ADAMTSL1: variants seen among roughly 807,000 people sequenced by gnomAD.
The protein encoded by ADAMTSL1 is ADAMTS like 1, also known as ADAMTS-like protein 1.
In ADAMTSL1, 126 loss-of-function variants were observed where a neutral mutation model predicts 201.8. The observed-to-expected ratio is 0.62, with a 90% CI of 0.54 to 0.72. The LOEUF (loss-of-function observed/expected upper bound fraction) is 0.72, where lower values mean the gene tolerates loss of function less well. ADAMTSL1 is among the 30% of genes least tolerant of loss of function. ADAMTSL1 has a pLI of 0.00. For synonymous variants in ADAMTSL1, 1,121 were observed against 903.4 expected (o/e 1.24, Z -4.32); for missense variants, 2,679 against 2,277.8 (o/e 1.18, Z -3.59).
At chr9:18,610,330 C>T (rs536551833) in intron 4 of ADAMTSL1, among the ~76,000 whole-genome samples, 9 of 152,246 alleles carry the variant, frequency 5.9e-5, no homozygotes, top group South Asian at 2.1e-4. Flanking sequence ...CTTACATTAA[C>T]AACCTTTAGT....
chr9:18,066,323 G>C (rs1371732069), intron 1 of ADAMTSL1, among the ~76,000 whole-genome samples: 2 of 152,092 alleles, frequency 1.3e-5, no homozygotes, highest in Non-Finnish European at 2.9e-5. Flanking sequence ...AGCATCACCA[G>C]GGTAACTAGT....
chr9:17,910,307 C>G (rs76681710), intron 1 of ADAMTSL1, among the ~76,000 whole-genome samples: 895 of 69,054 alleles, frequency 0.013, 230 homozygotes, highest in African/African-American at 0.024. Context: ...TGCTACAATA[C>G]CTGCTCATAT....
At chr9:18,136,249 G>C (rs1335500370) in intron 1 of ADAMTSL1, among the ~76,000 whole-genome samples, 5 of 152,106 alleles carry the variant, frequency 3.3e-5, no homozygotes, top group African/African-American at 4.8e-5. Context: ...GTCTAATTAA[G>C]AACGTCAGAG....
chr9:18,804,892 A>G (rs1823008738), intron 20 of ADAMTSL1, among the ~76,000 whole-genome samples: 1 of 152,238 alleles, frequency 6.6e-6, no homozygotes, highest in Non-Finnish European at 1.5e-5. Context: ...TTAAATCTGG[A>G]TTAAATACAA....
At chr9:18,654,629 GGAA>G (rs1396300024) in intron 7 of ADAMTSL1, among the ~76,000 whole-genome samples, 3 of 152,144 alleles carry the variant, frequency 2.0e-5, no homozygotes, top group African/African-American at 7.2e-5. Flanking sequence ...ACTGCTATAA[GGAA>G]GATTTTATTA....
In ADAMTSL1 at chr9:18,307,916, T is replaced by G. The variant is rs115048688; in HGVS notation, c.207+143935T>G. Among the ~76,000 whole-genome samples, 792 of 152,176 alleles carry G rather than the reference T, an allele frequency of 5.2e-3. 9 individuals carry two copies. Among genetic ancestry groups the G allele is most frequent in the African/African-American group, 0.017 (716 of 41,538 alleles). ...CATTCTTTTCAGCACCACATAACAT[T>G]TATTTTAAAATTGACCACATAATTG... On this transcript the variant is annotated intron_variant, in intron 2 of 29. Coordinates refer to the ADAMTSL1 transcript ENST00000680146.
chr9:17,921,765 A>C (rs1826311631), intron 1 of ADAMTSL1, among the ~76,000 whole-genome samples: 1 of 152,104 alleles, frequency 6.6e-6, no homozygotes, highest in African/African-American at 2.4e-5. Flanking sequence ...CAAATGTCAG[A>C]ATTTTTTTTT....
At chr9:18,460,542 C>T (rs1342366011) in intron 2 of ADAMTSL1, among the ~76,000 whole-genome samples, 1 of 152,092 alleles carries the variant, frequency 6.6e-6, no homozygotes, top group Non-Finnish European at 1.5e-5. Context: ...TTTGTGATGC[C>T]TGTGTTGTAC....
At chr9:18,344,003 G>T (rs200989329) in intron 2 of ADAMTSL1, among the ~76,000 whole-genome samples, 1 of 152,082 alleles carries the variant, frequency 6.6e-6, no homozygotes, top group East Asian at 1.9e-4. Flanking sequence ...TTCATCTTTA[G>T]TACAAAGTAC....
At chr9:17,951,084 C>A (rs995435774) in intron 1 of ADAMTSL1, among the ~76,000 whole-genome samples, 1 of 152,188 alleles carries the variant, frequency 6.6e-6, no homozygotes, top group Non-Finnish European at 1.5e-5. Context: ...ATGGCATTCT[C>A]TTCCTTCCCT....
intron 4 of ADAMTSL1, among the ~76,000 whole-genome samples, chr9:18,598,242 A>C (rs1824395490): frequency 6.6e-6 from 1 of 152,126 alleles, no homozygotes; most frequent in Admixed American, 6.6e-5. Context: ...GTTTTATTTT[A>C]TTTTATATGA....
intron 2 of ADAMTSL1, among the ~76,000 whole-genome samples, chr9:18,186,035 A>G (rs1828717595): frequency 6.6e-6 from 1 of 152,194 alleles, no homozygotes; most frequent in South Asian, 2.1e-4. Context: ...ATCCTTATAG[A>G]ATAGTAAGTA....
intron 2 of ADAMTSL1, among the ~76,000 whole-genome samples, chr9:18,418,553 T>A (rs1176881345): frequency 6.6e-6 from 1 of 152,130 alleles, no homozygotes; most frequent in East Asian, 1.9e-4. Context: ...AAATTAACAG[T>A]ATTTCAATTG....
At chr9:17,967,099 A>G (rs1175640987) in intron 1 of ADAMTSL1, among the ~76,000 whole-genome samples, 4 of 152,088 alleles carry the variant, frequency 2.6e-5, no homozygotes, top group African/African-American at 7.2e-5. Context: ...AACCTATATA[A>G]TATGGGCACT....
At chr9:18,428,468 T>C (rs1819332098) in intron 2 of ADAMTSL1, among the ~76,000 whole-genome samples, 1 of 149,394 alleles carries the variant, frequency 6.7e-6, no homozygotes, top group African/African-American at 2.5e-5. Context: ...AAAGAAAAAT[T>C]AATTAGCTGG....
At chr9:18,457,535 T>C (rs1394733776) in intron 2 of ADAMTSL1, among the ~76,000 whole-genome samples, 1 of 152,116 alleles carries the variant, frequency 6.6e-6, no homozygotes, top group African/African-American at 2.4e-5. Context: ...TAGCTCACTT[T>C]GTCACCCAGG....
intron 1 of ADAMTSL1, among the ~76,000 whole-genome samples, chr9:17,981,560 A>T (rs1262220464): frequency 6.6e-6 from 1 of 152,148 alleles, no homozygotes; most frequent in Non-Finnish European, 1.5e-5. Flanking sequence ...CGAGTGAGCC[A>T]TCTTTATGGT....
intron 4 of ADAMTSL1, among the ~76,000 whole-genome samples, chr9:18,579,608 C>A (rs987730684): frequency 6.6e-6 from 1 of 152,094 alleles, no homozygotes; most frequent in Non-Finnish European, 1.5e-5. Flanking sequence ...TCCTTAGAGC[C>A]TTTCTGAGTA....
Position 18,461,861 on chromosome 9 carries a change from C to A in ADAMTSL1, c.208-42968C>A, listed in dbSNP as rs530457092. Among the ~76,000 whole-genome samples the A allele has an allele frequency of 2.6e-5, 4 of 152,210 alleles. No homozygotes were observed. In the East Asian group the frequency reaches 7.7e-4, roughly 29 times the overall value. ...TTGACATACATGGGGGAGATTGGTT[C>A]CAGGACACGCCCCCTCCACTCCCCC... is the stretch of plus-strand genomic sequence containing the variant. On this transcript the variant is annotated intron_variant, in intron 2 of 29. Coordinates refer to the ADAMTSL1 transcript ENST00000680146.
Sources: gnomAD v4.1 joint callset for allele counts (sites outside exome capture counted in the v4.1 genomes callset) on GRCh38, gnomAD v4.1.1 for gene constraint, MANE v1.5 for transcripts, NCBI Gene and HGNC (gene_info 2026-07-23, HGNC 2026-07-21) for gene names.